Variants in SLC15A2 observed in about 807,000 individuals in gnomAD.
The protein encoded by SLC15A2 is kidney H(+)/peptide cotransporter.
In SLC15A2, 77 loss-of-function variants were observed where a neutral mutation model predicts 95.5. The observed-to-expected ratio is 0.81, with a 90% CI of 0.67 to 0.97. The LOEUF is 0.97. Among genes scored for constraint, SLC15A2 ranks in the 50% least tolerant of loss-of-function variants. The probability of loss-of-function intolerance (pLI) is 0.00; values close to 1 mark genes in which losing one functional copy is unlikely to be tolerated. For missense variants in SLC15A2, 893 were observed against 874.4 expected (o/e 1.02, Z -0.27); for synonymous variants, 306 against 306.9 (o/e 1.00, Z 0.03).
intron 11 of SLC15A2, among the ~76,000 whole-genome samples, chr3:121,923,952 C>A (rs1710059987): frequency 6.6e-6 from 1 of 152,062 alleles, no homozygotes; most frequent in African/African-American, 2.4e-5. Context: ...TCTTGTTGAC[C>A]CTCTGGAGAA....
chr3:121,936,028 T>C (rs1306911427), intron 19 of SLC15A2, among the ~76,000 whole-genome samples: 1 of 152,234 alleles, frequency 6.6e-6, no homozygotes, highest in Non-Finnish European at 1.5e-5. Flanking sequence ...ATGTACCCAG[T>C]AGTCATTCAG....
In SLC15A2 at chr3:121,897,450, T is replaced by A; in HGVS notation, c.256T>A (p.Tyr86Asn). 1 of 1,614,124 alleles carries A rather than the reference T, an allele frequency of 6.2e-7. No individual in the cohort carries two copies. Among genetic ancestry groups the A allele is most frequent in the Non-Finnish European group, 8.5e-7 (1 of 1,180,004 alleles). The change falls in exon 3 of 22, where the codon TAC becomes AAC. Residue 86 changes from tyrosine to asparagine, a missense_variant. Transcript: ENST00000489711. Reference protein sequence around the residue: ...HWNEDTSTSIYHAFSSLCYFT... With the variant: ...HWNEDTSTSINHAFSSLCYFT... ...GAATGAAGATACCTCCACATCTATATACCATGCCTTCAGCAGCCTCTGTTA... is the reference window on the plus strand; with the variant it reads ...GAATGAAGATACCTCCACATCTATAAACCATGCCTTCAGCAGCCTCTGTTA...
rs1264974360 is a variant in SLC15A2, at chr3:121,922,233, G to A, written c.711G>A (p.Met237Ile). 2 of 1,613,536 alleles carry A rather than the reference G, an allele frequency of 1.2e-6. No individual in the cohort carries two copies. Among genetic ancestry groups the A allele is most frequent in the Non-Finnish European group, 1.7e-6 (2 of 1,179,666 alleles). Residue 237 changes from methionine (M) to isoleucine (I), a missense_variant, in exon 8 of 22, where the codon ATG (methionine) becomes ATA (isoleucine). Coordinates refer to ENST00000489711, the MANE Select transcript of SLC15A2 (RefSeq NM_021082.4). ...LMVIALVVFA[M>I]GSKIYNKPPP... ...TATCAACTGCAGTTGTGTTTGCAAT[G>A]GGAAGCAAAATATACAATAAACCAC... is the stretch of plus-strand genomic sequence containing the variant.
In SLC15A2 at chr3:121,911,576, C is replaced by A; in HGVS notation, c.338C>A (p.Thr113Lys). 1 of 1,612,354 alleles carries A rather than the reference C, an allele frequency of 6.2e-7. No individual in the cohort carries two copies. The highest frequency in any genetic ancestry group is 8.5e-7 in the Non-Finnish European group (1 of 1,178,412). The part of the protein sequence containing the change: ...IADSWLGKFK[T>K]IIYLSLVYVL... ...GACTGATTTAGCTCTCTCAACAGGA[C>A]AATCATCTATCTCTCCTTGGTGTAT... The change falls in exon 4 of 22, where the codon ACA becomes AAA. Residue 113 changes from threonine (T) to lysine (K), a missense_variant and splice_region_variant. By Grantham distance (78) the Thr-to-Lys change is moderately conservative (BLOSUM62 -1). Coordinates refer to ENST00000489711, the MANE Select transcript of SLC15A2 (RefSeq NM_021082.4).
intron 3 of SLC15A2, among the ~76,000 whole-genome samples, chr3:121,903,423 C>A (rs1483572678): frequency 6.6e-6 from 1 of 152,156 alleles, no homozygotes; most frequent in Non-Finnish European, 1.5e-5. Context: ...GAAGTCCTTG[C>A]CCATGCCTAT....
intron 5 of SLC15A2, among the ~76,000 whole-genome samples, chr3:121,913,801 C>G (rs1456537468): frequency 6.6e-6 from 1 of 152,150 alleles, no homozygotes; most frequent in African/African-American, 2.4e-5. Context: ...ATTTCTAGAT[C>G]TGTCAACATT....
rs574297654 is a variant in SLC15A2 at position 121,929,027 on chromosome 3, G to C, written c.1387G>C (p.Asp463His). Residue 463 changes from aspartate to histidine, a missense_variant, in exon 16 of 22, where the codon GAT becomes CAT. Transcript: ENST00000489711. ...ACTGCACCTGAAAACAAAAAGCCAGGATTTTCACTTCCACCTGAAATATCA... is the reference window on the plus strand; with the variant it reads ...ACTGCACCTGAAAACAAAAAGCCAGCATTTTCACTTCCACCTGAAATATCA... ...SKLHLKTKSQDFHFHLKYHNL... is the reference protein window; with the variant it reads ...SKLHLKTKSQHFHFHLKYHNL... 2 of 1,613,912 alleles carry C rather than the reference G, an allele frequency of 1.2e-6. No homozygotes were observed. The highest frequency in any genetic ancestry group is 1.7e-6 in the Non-Finnish European group (2 of 1,179,988).
intron 7 of SLC15A2, among the ~76,000 whole-genome samples, chr3:121,916,708 A>T (rs1299168032): frequency 6.6e-6 from 1 of 152,252 alleles, no homozygotes; most frequent in Non-Finnish European, 1.5e-5. Flanking sequence ...TGTTTCATAA[A>T]TTATGAAATG....
chr3:121,916,411 C>A lies in SLC15A2; in HGVS notation c.697+718C>A, dbSNP rs536508276. Among the ~76,000 whole-genome samples the A allele has an allele frequency of 2.6e-5, 4 of 152,226 alleles. No individual in the cohort carries two copies. In the East Asian group the frequency reaches 7.7e-4, roughly 29 times the overall value. On this transcript the variant is annotated intron_variant, in intron 7 of 21. Transcript: ENST00000489711. ...CTCCACTCTGAGCCTCAGAGTGACA[C>A]CCCCTTGGAAGATATCCAGTGCAAA...
At position 121,922,211 on chromosome 3, in the gene SLC15A2, C is replaced by G. The variant is rs752556075; in HGVS notation, c.698-9C>G. 6 of 1,610,740 alleles carry G rather than the reference C, an allele frequency of 3.7e-6. No individual in the cohort carries two copies. Among genetic ancestry groups the G allele is most frequent in the Non-Finnish European group, 5.1e-6 (6 of 1,177,314 alleles). On this transcript the variant is annotated splice_polypyrimidine_tract_variant and intron_variant, in intron 7 of 21. Transcript: ENST00000489711. ...GAAGCTAAGAACCTTGTTTGTGTAT[C>G]AACTGCAGTTGTGTTTGCAATGGGA... is the stretch of plus-strand genomic sequence containing the variant.
At position 121,939,435 on chromosome 3, in the gene SLC15A2, C is replaced by A; in HGVS notation, c.1848C>A (p.Ala616=). The A allele has an allele frequency of 6.4e-7, 1 of 1,573,482 alleles. No individual in the cohort carries two copies. Among genetic ancestry groups the A allele is most frequent in the Non-Finnish European group, 8.6e-7 (1 of 1,160,650 alleles). Residue 616 remains alanine, a synonymous_variant, in exon 20 of 22, where the codon GCC becomes GCA. Transcript: ENST00000489711. Reference sequence around the variant, plus strand: ...TTGCGTGGCAGCTACCACAATATGCCCTGGTTACAGCTGGGGAGGTCATGT... The same window carrying A: ...TTGCGTGGCAGCTACCACAATATGCACTGGTTACAGCTGGGGAGGTCATGT... ...MSIAWQLPQY[A]LVTAGEVMFS...
chr3:121,935,282 A>G (rs1232522431), intron 19 of SLC15A2, among the ~76,000 whole-genome samples: 1 of 152,182 alleles, frequency 6.6e-6, no homozygotes, highest in Non-Finnish European at 1.5e-5. Flanking sequence ...GCCTCATAAA[A>G]TGAGTTAGGG....
rs946724577 is a variant in SLC15A2 at position 121,922,308 on chromosome 3, T to A, written c.780+6T>A. 14 of 1,611,558 alleles carry A rather than the reference T, an allele frequency of 8.7e-6. No homozygotes were observed. Among genetic ancestry groups the A allele is most frequent in the East Asian group, 2.2e-5 (1 of 44,856 alleles). On this transcript the variant is annotated splice_donor_region_variant and intron_variant, in intron 8 of 21. Coordinates refer to ENST00000489711, the MANE Select transcript of SLC15A2 (RefSeq NM_021082.4). ...AAGTTTTCAAATGTATCTGGGTAAG[T>A]CCATAAATTGTTTTCTTGCCTTTTT...
chr3:121,916,572 CT>C (rs1296152934), intron 7 of SLC15A2, among the ~76,000 whole-genome samples: 1 of 152,126 alleles, frequency 6.6e-6, no homozygotes, highest in Non-Finnish European at 1.5e-5. Context: ...TATAGGTGAG[CT>C]GTGATAATAT....
intron 17 of SLC15A2, among the ~76,000 whole-genome samples, chr3:121,929,878 T>A (rs1710197785): frequency 6.6e-6 from 1 of 152,204 alleles, no homozygotes; most frequent in South Asian, 2.1e-4. Context: ...ACATGTGTTC[T>A]CTGTGGCTGG....
At chr3:121,936,164 C>T (rs1001005561) in intron 19 of SLC15A2, among the ~76,000 whole-genome samples, 2 of 152,060 alleles carry the variant, frequency 1.3e-5, no homozygotes, top group African/African-American at 4.8e-5. Context: ...TTACATTTGC[C>T]GAGGAGAGCT....
At chr3:121,901,287 G>A (rs1222435409) in intron 3 of SLC15A2, among the ~76,000 whole-genome samples, 1 of 152,194 alleles carries the variant, frequency 6.6e-6, no homozygotes, top group Non-Finnish European at 1.5e-5. Flanking sequence ...AAACTGCTGG[G>A]ATTACAAGTG....
chr3:121,911,507 C>T, intron 3 of SLC15A2, 67 bp from the exon 4 acceptor site: 2 of 1,083,092 alleles, frequency 1.8e-6, no homozygotes, highest in Non-Finnish European at 2.9e-6. Context: ...CAGTATGAAC[C>T]CTAAGTCTGT....
At chr3:121,937,508 A>C (rs1257075835) in intron 19 of SLC15A2, among the ~76,000 whole-genome samples, 1 of 146,382 alleles carries the variant, frequency 6.8e-6, no homozygotes, top group African/African-American at 2.6e-5. Flanking sequence ...GCTTCATTTC[A>C]TTCATTTCAT....
Sources: gnomAD v4.1 joint callset for allele counts (sites outside exome capture counted in the v4.1 genomes callset) on GRCh38, gnomAD v4.1.1 for gene constraint, MANE v1.5 for transcripts, NCBI Gene and HGNC (gene_info 2026-07-23, HGNC 2026-07-21) for gene names.